The following ST6GAL1 variants were observed in gnomAD, a reference collection of about 807,000 sequenced individuals.
The protein encoded by ST6GAL1 is ST6 beta-galactoside alpha-2,6-sialyltransferase 1.
ST6GAL1 carries 20 observed loss-of-function variants against 38.0 expected under a neutral mutation model. That is an observed-to-expected ratio of 0.53 (90% CI 0.37 to 0.77). ST6GAL1 has a LOEUF of 0.77. Ranked by LOEUF, ST6GAL1 falls within the 30% of genes least tolerant of loss-of-function variation. The pLI is 0.00. For missense variants in ST6GAL1, 432 were observed against 496.4 expected (o/e 0.87, Z 1.23); for synonymous variants, 196 against 188.2 (o/e 1.04, Z -0.34).
At chr3:186,961,003 T>G (rs1031462493) in intron 1 of ST6GAL1, among the ~76,000 whole-genome samples, 27 of 148,598 alleles carry the variant, frequency 1.8e-4, no homozygotes, top group African/African-American at 6.8e-4. Flanking sequence ...AGAGTCTCAC[T>G]CTGTCACTCA....
chr3:187,048,608 C>T (rs1718388599), intron 4 of ST6GAL1, among the ~76,000 whole-genome samples: 1 of 152,198 alleles, frequency 6.6e-6, no homozygotes, highest in South Asian at 2.1e-4. Context: ...TCCGTCTTTA[C>T]TGTCTATGTC....
At chr3:187,004,184 C>T (rs1716708891) in intron 2 of ST6GAL1, among the ~76,000 whole-genome samples, 1 of 152,252 alleles carries the variant, frequency 6.6e-6, no homozygotes, top group Non-Finnish European at 1.5e-5. Flanking sequence ...TCCACCATAA[C>T]TAAAAGCTCC....
At chr3:187,063,678 A>G (rs1338391703) in intron 5 of ST6GAL1, among the ~76,000 whole-genome samples, 1 of 152,146 alleles carries the variant, frequency 6.6e-6, no homozygotes, top group Non-Finnish European at 1.5e-5. Flanking sequence ...GTGATGATTC[A>G]GTCTTCCTCA....
intron 2 of ST6GAL1, among the ~76,000 whole-genome samples, chr3:186,995,534 A>C (rs760550180): frequency 1.3e-5 from 2 of 149,170 alleles, no homozygotes; most frequent in African/African-American, 2.5e-5. Flanking sequence ...AAATAAAAAA[A>C]AAATAAAGAA....
At chr3:186,993,916 A>G (rs1369670656) in intron 2 of ST6GAL1, among the ~76,000 whole-genome samples, 2 of 152,186 alleles carry the variant, frequency 1.3e-5, no homozygotes, top group Non-Finnish European at 2.9e-5. Context: ...AATCATCATC[A>G]TAATAACAAT....
chr3:186,962,557 A>G (rs557031663), intron 1 of ST6GAL1, among the ~76,000 whole-genome samples: 52 of 152,092 alleles, frequency 3.4e-4, no homozygotes, highest in Non-Finnish European at 6.5e-4. Flanking sequence ...GAATGGGCAC[A>G]TTTCTCCATT....
At chr3:187,021,258 G>A (rs779740737) in intron 2 of ST6GAL1, among the ~76,000 whole-genome samples, 5 of 152,114 alleles carry the variant, frequency 3.3e-5, no homozygotes, top group Admixed American at 1.3e-4. Context: ...CATCATGCCT[G>A]GACTATGTGT....
At chr3:186,942,529 G>A (rs1042776328) in intron 1 of ST6GAL1, 2 of 152,002 alleles carry the variant, frequency 1.3e-5, no homozygotes, top group Non-Finnish European at 2.9e-5. Flanking sequence ...TTTTAGGAAT[G>A]CTGTACCCTT....
At chr3:187,058,350 A>G (rs914001683) in intron 5 of ST6GAL1, among the ~76,000 whole-genome samples, 14 of 152,282 alleles carry the variant, frequency 9.2e-5, no homozygotes, top group Admixed American at 6.5e-4. Context: ...GTCAGTTGGA[A>G]AAGCAGAAAT....
At chr3:186,967,306 T>C (rs994364044) in intron 2 of ST6GAL1, among the ~76,000 whole-genome samples, 7 of 152,128 alleles carry the variant, frequency 4.6e-5, no homozygotes, top group Non-Finnish European at 1.0e-4. Context: ...AGTCTCCTAC[T>C]TCAGCCTCCC....
intron 2 of ST6GAL1, among the ~76,000 whole-genome samples, chr3:187,001,308 C>T (rs530715110): frequency 2.6e-4 from 39 of 152,350 alleles, no homozygotes; most frequent in Admixed American, 8.5e-4. Flanking sequence ...GGATGTGTGA[C>T]TTTGGACAAA....
rs368892069 is a variant in ST6GAL1 at position 186,943,776 on chromosome 3, C to A, written c.-325+12942C>A. ...TATCTCAGATTAATAGGCGAGGAAA[C>A]AAAGGTTGAAGGAGATTCAGTGACT... is the stretch of plus-strand genomic sequence containing the variant. On this transcript the variant is annotated intron_variant, in intron 1 of 7. Transcript: ENST00000169298. 3.3e-5 allele frequency among the ~76,000 whole-genome samples: 5 copies of A among 152,304 alleles called. No individual in the cohort carries two copies. The East Asian group carries it at 7.7e-4, about 24-fold the overall frequency.
chr3:186,968,989 T>G (rs1423976164), intron 2 of ST6GAL1, among the ~76,000 whole-genome samples: 1 of 152,124 alleles, frequency 6.6e-6, no homozygotes, highest in Non-Finnish European at 1.5e-5. Flanking sequence ...GCACTTCACT[T>G]CCTTGCCAAC....
intron 1 of ST6GAL1, among the ~76,000 whole-genome samples, chr3:186,958,084 T>C (rs974714488): frequency 1.3e-5 from 2 of 151,796 alleles, no homozygotes; most frequent in African/African-American, 4.8e-5. Flanking sequence ...CATAATGGTA[T>C]ATTTAGTGTA....
At chr3:186,971,086 T>C (rs551848803) in intron 2 of ST6GAL1, among the ~76,000 whole-genome samples, 3 of 152,372 alleles carry the variant, frequency 2.0e-5, no homozygotes, top group East Asian at 1.9e-4. Flanking sequence ...TTCTCAACTT[T>C]AGCTGTTCCC....
chr3:186,938,150 G>A lies in ST6GAL1; in HGVS notation c.-325+7316G>A, dbSNP rs1438924406. ...TTTTCCAGATGATTCCCATAGGGTA[G>A]TCCTAAAGTTGAAATTACTGGGTTA... On this transcript the variant is annotated intron_variant, in intron 1 of 7. Transcript: ENST00000169298. 3.3e-5 allele frequency among the ~76,000 whole-genome samples: 5 copies of A among 152,304 alleles called. No homozygotes were observed. The South Asian group carries it at 1.0e-3, about 32-fold the overall frequency.
intron 1 of ST6GAL1, among the ~76,000 whole-genome samples, chr3:186,940,549 A>G (rs927448176): frequency 6.6e-6 from 1 of 152,266 alleles, no homozygotes; most frequent in Non-Finnish European, 1.5e-5. Context: ...AATGCGGCCC[A>G]ACACAAATTC....
At chr3:186,954,281 G>A (rs1191298236) in intron 1 of ST6GAL1, among the ~76,000 whole-genome samples, 3 of 152,146 alleles carry the variant, frequency 2.0e-5, no homozygotes, top group African/African-American at 7.2e-5. Flanking sequence ...GAATAGTGCT[G>A]CGATGAACAT....
rs368118201 is a variant in ST6GAL1, at chr3:187,075,787, G to A, written c.1205G>A (p.Arg402Gln). Residue 402 changes from arginine to glutamine, a missense_variant, in exon 8 of 8, where the codon CGG (arginine) becomes CAG (glutamine). Arg to Gln is a conservative substitution (Grantham distance 43). Coordinates refer to ENST00000169298, the MANE Select transcript of ST6GAL1 (RefSeq NM_173216.2). The surrounding 1 kb of genome is among the most constrained non-coding windows in gnomAD (Gnocchi z 4.1). ...GGAAAAGCCACACTGCCTGGCTTCCGGACCATTCACTGCTAAGCACAGGCT... is the reference window on the plus strand; with the variant it reads ...GGAAAAGCCACACTGCCTGGCTTCCAGACCATTCACTGCTAAGCACAGGCT... ...LLGKATLPGF[R>Q]TIHC The A allele has an allele frequency of 6.2e-6, 10 of 1,614,022 alleles. No individual in the cohort carries two copies. The highest frequency in any genetic ancestry group is 5.5e-5 in the South Asian group (5 of 91,062).
Sources: gnomAD v4.1 joint callset for allele counts (sites outside exome capture counted in the v4.1 genomes callset) on GRCh38, gnomAD v4.1.1 for gene constraint, Gnocchi (gnomAD v3.1) non-coding constraint, MANE v1.5 for transcripts, NCBI Gene and HGNC (gene_info 2026-07-23, HGNC 2026-07-21) for gene names.